Variants in SPAST observed in about 807,000 individuals in gnomAD.
The protein encoded by SPAST is spastic paraplegia 4 (autosomal dominant; spastin).
A neutral mutation model predicts 76.6 loss-of-function variants in SPAST; 30 were observed. The ratio of observed to expected loss-of-function variants is 0.39; its 90% CI spans 0.29 to 0.53. The LOEUF (loss-of-function observed/expected upper bound fraction) is 0.53, where lower values mean the gene tolerates loss of function less well. Among genes scored for constraint, SPAST ranks in the 20% least tolerant of loss-of-function variants. The probability of loss-of-function intolerance (pLI) is 0.68; values close to 1 mark genes in which losing one functional copy is unlikely to be tolerated. For synonymous variants in SPAST, 305 were observed against 281.0 expected (o/e 1.09, Z -0.86); for missense variants, 717 against 770.5 (o/e 0.93, Z 0.82).
chr2:32,110,878 C>A (rs111206656), intron 4 of SPAST, among the ~76,000 whole-genome samples: 22,192 of 79,306 alleles, frequency 0.28, 3,088 homozygotes, highest in East Asian at 0.51. Context: ...TATACTATAT[C>A]GTGTGTATAG....
intron 3 of SPAST, among the ~76,000 whole-genome samples, chr2:32,093,310 CAAAAAAAAAAAA>C (rs34291087): frequency 1.6e-5 from 1 of 62,174 alleles, no homozygotes; most frequent in Non-Finnish European, 2.9e-5. Flanking sequence ...GACTCCGTCT[CAAAAAAAAAAAA>C]AAAAAAAAAA....
In SPAST at chr2:32,064,074, C is replaced by T; in HGVS notation, c.243C>T (p.Arg81=). ...LGLLFVWLCQ[R]FSRALMAAKR... ...TCCTCTTCGTGTGGCTCTGCCAGCG[C>T]TTCTCCCGCGCCCTCATGGCAGCCA... The change falls in exon 1 of 17, where the codon CGC becomes CGT. Residue 81 remains arginine (R), a synonymous_variant. Transcript: ENST00000315285. 6.2e-7 allele frequency: 1 copy of T among 1,612,632 alleles called. No individual in the cohort carries two copies. The highest frequency in any genetic ancestry group is 1.7e-4 in the Middle Eastern group (1 of 5,996).
chr2:32,123,848 T>A (rs1461810546), intron 7 of SPAST, among the ~76,000 whole-genome samples: 1 of 152,160 alleles, frequency 6.6e-6, no homozygotes, highest in Admixed American at 6.5e-5. Flanking sequence ...GACACAGACC[T>A]GACAACTTTC....
At chr2:32,067,846 T>A (rs1032485149) in intron 1 of SPAST, among the ~76,000 whole-genome samples, 2 of 150,488 alleles carry the variant, frequency 1.3e-5, no homozygotes, top group African/African-American at 2.4e-5. Flanking sequence ...AAAAAAAAAA[T>A]AAATTAGGTT....
At position 32,144,945 on chromosome 2, in the gene SPAST, A is replaced by G. The variant is rs142053576; in HGVS notation, c.1625A>G (p.Asp542Gly). 413 of 1,611,888 alleles carry G rather than the reference A, an allele frequency of 2.6e-4. No homozygotes were observed. Among genetic ancestry groups the G allele is most frequent in the Admixed American group, 7.7e-4 (46 of 59,870 alleles). The change falls in exon 15 of 17, where the codon GAT becomes GGT. Residue 542 changes from aspartate (D) to glycine (G), a missense_variant. Physicochemically the swap from Asp to Gly is moderately conservative, Grantham distance 94. Coordinates refer to ENST00000315285, the MANE Select transcript of SPAST (RefSeq NM_014946.4). The part of the protein sequence containing the change: ...KELAQLARMT[D>G]GYSGSDLTAL... Reference sequence around the variant, plus strand: ...TTCCTTCCCTTCCTCAGAATGACTGATGGATACTCAGGAAGTGACCTAACA... The same window carrying G: ...TTCCTTCCCTTCCTCAGAATGACTGGTGGATACTCAGGAAGTGACCTAACA...
rs746073001 is a variant in SPAST at position 32,089,530 on chromosome 2, T to C, written c.511T>C (p.Cys171Arg). 9 of 1,580,332 alleles carry C rather than the reference T, an allele frequency of 5.7e-6. No individual in the cohort carries two copies. The highest frequency in any genetic ancestry group is 7.8e-6 in the Non-Finnish European group (9 of 1,149,396). Reference sequence around the variant, plus strand: ...TAATTTTTTTCTTTCAGGTGAACAGTGTGAAAGAGCTAGACGCCTTCAAGC... The same window carrying C: ...TAATTTTTTTCTTTCAGGTGAACAGCGTGAAAGAGCTAGACGCCTTCAAGC... ...AVIVTGQGEQ[C>R]ERARRLQAKM... Residue 171 changes from cysteine to arginine, a missense_variant, in exon 3 of 17, where the codon TGT becomes CGT. Cys to Arg is a radical substitution (Grantham distance 180, BLOSUM62 -3). Around this residue, in one of 3 missense-constraint regions of SPAST, gnomAD observed 543 missense variants for 445.2 expected, o/e 1.22. Transcript: ENST00000315285.
intron 1 of SPAST, among the ~76,000 whole-genome samples, chr2:32,084,245 C>G (rs919837248): frequency 1.3e-5 from 2 of 151,866 alleles, no homozygotes; most frequent in African/African-American, 4.8e-5. Context: ...ACTGCAAGCT[C>G]TGCTTCCTGG....
In SPAST at chr2:32,145,496, G is replaced by C. The variant is rs567853127; in HGVS notation, c.1687+489G>C. The stretch of plus-strand genomic sequence containing the variant: ...AAGAGGTTTCATTTCTTGATAGTAA[G>C]TAAGCAGCAGAAAACTCAAAAAGAA... On this transcript the variant is annotated intron_variant, in intron 15 of 16. Coordinates refer to ENST00000315285, the MANE Select transcript of SPAST (RefSeq NM_014946.4). 7.2e-5 allele frequency among the ~76,000 whole-genome samples: 11 copies of C among 152,292 alleles called. No individual in the cohort carries two copies. The South Asian group carries it at 2.3e-3, about 32-fold the overall frequency.
intron 1 of SPAST, among the ~76,000 whole-genome samples, chr2:32,068,690 C>T (rs560171712): frequency 6.6e-6 from 1 of 152,220 alleles, no homozygotes; most frequent in East Asian, 1.9e-4. Flanking sequence ...TAAATTAGTT[C>T]AGACTGAAAC....
intron 7 of SPAST, among the ~76,000 whole-genome samples, chr2:32,118,230 A>G (rs575054894): frequency 1.3e-5 from 2 of 152,278 alleles, no homozygotes; most frequent in South Asian, 2.1e-4. Context: ...CAATTTTTCC[A>G]TAGTCTTGAG....
At chr2:32,065,693 C>CA (rs1676481646) in intron 1 of SPAST, among the ~76,000 whole-genome samples, 1 of 152,202 alleles carries the variant, frequency 6.6e-6, no homozygotes, top group Non-Finnish European at 1.5e-5. Flanking sequence ...ATTAGATACT[C>CA]ACTTGCATTG....
At chr2:32,075,087 T>G (rs1162715385) in intron 1 of SPAST, among the ~76,000 whole-genome samples, 2 of 152,066 alleles carry the variant, frequency 1.3e-5, no homozygotes, top group African/African-American at 4.8e-5. Context: ...TAGGATGCAG[T>G]AGCAGCATAA....
intron 3 of SPAST, among the ~76,000 whole-genome samples, chr2:32,089,978 A>T: frequency 6.6e-6 from 1 of 152,176 alleles, no homozygotes; most frequent in East Asian, 1.9e-4. Context: ...GTTAGCCAGA[A>T]TGGTGTCCAT....
intron 4 of SPAST, among the ~76,000 whole-genome samples, chr2:32,107,321 A>T (rs1431471807): frequency 6.6e-6 from 1 of 151,936 alleles, no homozygotes; most frequent in African/African-American, 2.4e-5. Context: ...CAACCTCCGC[A>T]GCCTCCCCTA....
At chr2:32,111,345 ATACTGTATAGTGTGTATAGCG>A (rs1449949462) in intron 4 of SPAST, among the ~76,000 whole-genome samples, 15 of 128,018 alleles carry the variant, frequency 1.2e-4, no homozygotes, top group South Asian at 1.1e-3. Context: ...TATATACAGT[ATACTGTATAGTGTGTATAGCG>A]TATATATAGT....
At chr2:32,110,002 T>G (rs1490721867) in intron 4 of SPAST, among the ~76,000 whole-genome samples, 1 of 148,636 alleles carries the variant, frequency 6.7e-6, no homozygotes, top group African/African-American at 2.5e-5. Flanking sequence ...ATTAGTTATA[T>G]CAAAATAACT....
chr2:32,085,537 A>G (rs968071332), intron 1 of SPAST, among the ~76,000 whole-genome samples: 1 of 151,978 alleles, frequency 6.6e-6, no homozygotes, highest in African/African-American at 2.4e-5. Flanking sequence ...TTTTCTTTAC[A>G]TGTCCTTATC....
chr2:32,063,640 G>A lies in SPAST; in HGVS notation c.-192G>A, dbSNP rs1230605457. 1 of 659,106 alleles carries A rather than the reference G, an allele frequency of 1.5e-6. No individual in the cohort carries two copies. The highest frequency in any genetic ancestry group is 2.5e-6 in the Non-Finnish European group (1 of 403,094). The allele number at this position is 659,106 out of a possible 1,614,324, so 40.8% of individuals were successfully genotyped here. Reference sequence around the variant, plus strand: ...CGAGCCACCGACTGCAGGAGGAGAAGGGGTTGTGCTCCTGGCCGAGGAAGG... The same window carrying A: ...CGAGCCACCGACTGCAGGAGGAGAAAGGGTTGTGCTCCTGGCCGAGGAAGG... On this transcript the variant is annotated 5_prime_UTR_variant, in exon 1 of 17. Coordinates refer to ENST00000315285, the MANE Select transcript of SPAST (RefSeq NM_014946.4).
At chr2:32,138,377 C>T (rs1014025326) in intron 12 of SPAST, among the ~76,000 whole-genome samples, 2 of 152,062 alleles carry the variant, frequency 1.3e-5, no homozygotes, top group Non-Finnish European at 2.9e-5. Flanking sequence ...TATTAATAGC[C>T]ATTCTGACTG....
Sources: allele counts gnomAD v4.1 joint callset (sites outside exome capture counted in the v4.1 genomes callset), GRCh38; gene constraint gnomAD v4.1.1; regional missense constraint gnomAD v4.1.1; transcripts MANE v1.5; gene names NCBI Gene and HGNC (gene_info 2026-07-23, HGNC 2026-07-21).